Variants in DEUP1 observed in about 807,000 individuals in gnomAD.
DEUP1 encodes coiled-coil domain containing 67.
Under a neutral mutation model 87.4 loss-of-function variants are expected in DEUP1, and 82 were observed. The ratio of observed to expected loss-of-function variants is 0.94; its 90% CI spans 0.78 to 1.13. The LOEUF is 1.13. Among genes scored for constraint, DEUP1 ranks in the 50% most tolerant of loss-of-function variants. DEUP1 has a pLI of 0.00. For synonymous variants in DEUP1, 214 were observed against 222.7 expected (o/e 0.96, Z 0.35); for missense variants, 663 against 681.5 (o/e 0.97, Z 0.30).
chr11:93,393,228 T>G (rs1436943822), intron 9 of DEUP1, among the ~76,000 whole-genome samples: 1 of 151,758 alleles, frequency 6.6e-6, no homozygotes, highest in African/African-American at 2.4e-5. Flanking sequence ...CCCGACTAAC[T>G]GAGACTGAAT....
chr11:93,409,033 T>C (rs1947360477), intron 12 of DEUP1, among the ~76,000 whole-genome samples: 1 of 152,124 alleles, frequency 6.6e-6, no homozygotes, highest in Non-Finnish European at 1.5e-5. Context: ...ATTTTTGTAT[T>C]TTTAGTAGAG....
intron 2 of DEUP1, among the ~76,000 whole-genome samples, chr11:93,346,876 C>T (rs114989845): frequency 0.012 from 1,843 of 152,176 alleles, 38 homozygotes; most frequent in African/African-American, 0.043. Flanking sequence ...ATGCTAGTGA[C>T]TTTTGCACAA....
At chr11:93,382,568 C>T (rs1946346756) in intron 7 of DEUP1, among the ~76,000 whole-genome samples, 1 of 152,116 alleles carries the variant, frequency 6.6e-6, no homozygotes. Context: ...AGAGTTTCAG[C>T]TAACCCTAGC....
chr11:93,415,037 C>G lies in DEUP1; in HGVS notation c.1561C>G (p.Pro521Ala). ...CTGTGAGCCAAACAGAAGTACAATG[C>G]CTCCCTTGCCACCTTCGACATTTCA... ...HDCEPNRSTM[P>A]PLPPSTFQAK... The change falls in exon 13 of 14, where the codon CCT becomes GCT. Residue 521 changes from proline (P) to alanine (A), a missense_variant. Coordinates refer to ENST00000298050, the MANE Select transcript of DEUP1 (RefSeq NM_181645.4). 2 of 1,600,044 alleles carry G rather than the reference C, an allele frequency of 1.2e-6. No homozygotes were observed. Among genetic ancestry groups the G allele is most frequent in the East Asian group, 2.2e-5 (1 of 44,734 alleles).
At chr11:93,432,695 G>A (rs1948140861) in intron 13 of DEUP1, among the ~76,000 whole-genome samples, 3 of 152,140 alleles carry the variant, frequency 2.0e-5, no homozygotes, top group Admixed American at 2.0e-4. Flanking sequence ...GTTGCTGAAT[G>A]GTTATGAGAT....
intron 13 of DEUP1, among the ~76,000 whole-genome samples, chr11:93,436,026 C>A (rs1378715250): frequency 6.6e-6 from 1 of 151,620 alleles, no homozygotes; most frequent in Non-Finnish European, 1.5e-5. Flanking sequence ...TTTTCTGTGT[C>A]ACCCAATAAA....
intron 8 of DEUP1, among the ~76,000 whole-genome samples, chr11:93,388,273 T>C (rs1465984701): frequency 1.3e-5 from 2 of 152,176 alleles, no homozygotes; most frequent in Non-Finnish European, 2.9e-5. Flanking sequence ...CAAGTGGATA[T>C]GTTCCTCAAA....
chr11:93,368,083 A>G (rs2134254882), intron 5 of DEUP1, among the ~76,000 whole-genome samples: 1 of 152,372 alleles, frequency 6.6e-6, no homozygotes, highest in East Asian at 1.9e-4. Flanking sequence ...TTATTAAGAT[A>G]TGAACAGATA....
chr11:93,427,603 A>G (rs1468134798), intron 13 of DEUP1, among the ~76,000 whole-genome samples: 3 of 151,068 alleles, frequency 2.0e-5, no homozygotes, highest in African/African-American at 7.3e-5. Context: ...AGCAATGGCA[A>G]CAAAAGCCAA....
chr11:93,437,792 A>C lies in DEUP1; in HGVS notation c.*73A>C. The C allele has an allele frequency of 1.3e-6, 1 of 785,836 alleles. No homozygotes were observed. The highest frequency in any genetic ancestry group is 2.1e-6 in the Non-Finnish European group (1 of 474,476). 48.7% of individuals were successfully genotyped at this position (785,836 alleles called of 1,614,324 possible). A position where few individuals can be genotyped will look rare whatever the true frequency, so the allele number is the denominator to read the frequency against. Reference sequence around the variant, plus strand: ...AAAAAGCTCTGGCAAAATATTTACAAAGCTGATTAATGAAACCAAGAAATT... The same window carrying C: ...AAAAAGCTCTGGCAAAATATTTACACAGCTGATTAATGAAACCAAGAAATT... On this transcript the variant is annotated 3_prime_UTR_variant, in exon 14 of 14. Transcript: ENST00000298050.
chr11:93,340,764 A>T (rs1005526428), intron 2 of DEUP1, among the ~76,000 whole-genome samples: 6 of 152,174 alleles, frequency 3.9e-5, no homozygotes, highest in Non-Finnish European at 7.4e-5. Flanking sequence ...TGAACAAAGG[A>T]TGGTCCAAAG....
Position 93,388,347 on chromosome 11 carries a change from C to G in DEUP1, c.936-673C>G, listed in dbSNP as rs543765612. 5.2e-4 allele frequency among the ~76,000 whole-genome samples: 79 copies of G among 152,234 alleles called. 1 individual carries two copies. The highest frequency in any genetic ancestry group is 1.4e-3 in the Admixed American group (21 of 15,286). On this transcript the variant is annotated intron_variant, in intron 8 of 13. Coordinates refer to ENST00000298050, the MANE Select transcript of DEUP1 (RefSeq NM_181645.4). Reference sequence around the variant, plus strand: ...GTAGAAAGCATGCTGCTTCCCCTACCTGGTTATCTTTATTTTTGTGTTTTT... The same window carrying G: ...GTAGAAAGCATGCTGCTTCCCCTACGTGGTTATCTTTATTTTTGTGTTTTT...
At chr11:93,374,677 C>G (rs1032210635) in intron 7 of DEUP1, among the ~76,000 whole-genome samples, 2 of 152,124 alleles carry the variant, frequency 1.3e-5, no homozygotes, top group Non-Finnish European at 2.9e-5. Context: ...GTTTTGGTGA[C>G]TATAGCATTA....
rs182785481 is a variant in DEUP1, at chr11:93,341,769, C to A, written c.29+9481C>A. ...TCCTATGGTTATTATAATAAATTGC[C>A]ACAAATTTGGTAGCTTAAAACCAAA... On this transcript the variant is annotated intron_variant, in intron 2 of 13. Coordinates refer to ENST00000298050, the MANE Select transcript of DEUP1 (RefSeq NM_181645.4). 1.8e-4 allele frequency among the ~76,000 whole-genome samples: 28 copies of A among 152,210 alleles called. 1 individual carries two copies. Among genetic ancestry groups the A allele is most frequent in the Admixed American group, 9.8e-4 (15 of 15,286 alleles).
At chr11:93,400,199 G>T (rs1947071262) in intron 11 of DEUP1, among the ~76,000 whole-genome samples, 1 of 152,134 alleles carries the variant, frequency 6.6e-6, no homozygotes, top group African/African-American at 2.4e-5. Context: ...AGTACCAAAA[G>T]CTGGCTGGCT....
At chr11:93,410,666 G>A (rs1947409603) in intron 12 of DEUP1, among the ~76,000 whole-genome samples, 1 of 152,176 alleles carries the variant, frequency 6.6e-6, no homozygotes, top group African/African-American at 2.4e-5. Context: ...GAATAACTTT[G>A]AAAGCTTTAG....
chr11:93,402,265 C>T (rs1947142516), intron 11 of DEUP1, among the ~76,000 whole-genome samples: 1 of 151,868 alleles, frequency 6.6e-6, no homozygotes, highest in Admixed American at 6.6e-5. Flanking sequence ...AATTCAGTAT[C>T]ACTAATCATC....
Position 93,355,556 on chromosome 11 carries a change from A to G in DEUP1, c.201+14A>G, listed in dbSNP as rs1944855478. ...AAAGGTCAAGAGGTACTGAATACATATGTTAACAAATTGCTAATTCATCAG... is the reference window on the plus strand; with the variant it reads ...AAAGGTCAAGAGGTACTGAATACATGTGTTAACAAATTGCTAATTCATCAG... On this transcript the variant is annotated intron_variant, in intron 3 of 13. Coordinates refer to ENST00000298050, the MANE Select transcript of DEUP1 (RefSeq NM_181645.4). 2 of 1,594,450 alleles carry G rather than the reference A, an allele frequency of 1.3e-6. No homozygotes were observed. The highest frequency in any genetic ancestry group is 1.7e-6 in the Non-Finnish European group (2 of 1,169,484).
At chr11:93,340,318 G>A (rs1943997183) in intron 2 of DEUP1, among the ~76,000 whole-genome samples, 1 of 152,170 alleles carries the variant, frequency 6.6e-6, no homozygotes, top group Non-Finnish European at 1.5e-5. Flanking sequence ...AGAGGAATCA[G>A]CAAAAGCAAA....
Sources: gnomAD v4.1 joint callset for allele counts (sites outside exome capture counted in the v4.1 genomes callset) on GRCh38, gnomAD v4.1.1 for gene constraint, MANE v1.5 for transcripts, NCBI Gene and HGNC (gene_info 2026-07-23, HGNC 2026-07-21) for gene names.